The following CES1 variants were observed in gnomAD, a reference collection of about 807,000 sequenced individuals.
CES1 encodes the protein carboxylesterase 1.
CES1 carries 50 observed loss-of-function variants against 53.0 expected under a neutral mutation model. The ratio of observed to expected loss-of-function variants is 0.94; its 90% confidence interval spans 0.75 to 1.19. The LOEUF is 1.19. Ranked by LOEUF, CES1 falls within the 50% of genes most tolerant of loss-of-function variation. The pLI, the probability that CES1 is intolerant of heterozygous loss-of-function variation, is 0.00. For synonymous variants in CES1, 202 were observed against 210.1 expected, an observed-to-expected ratio of 0.96 and a Z score of 0.33; for missense variants, 534 against 538.0, an observed-to-expected ratio of 0.99 and a Z score of 0.07.
chr16:55,830,582 C>A (rs2032598964), intron 1 of CES1, among the ~76,000 whole-genome samples: 3 of 152,122 alleles, frequency 2.0e-5, no homozygotes, highest in South Asian at 4.2e-4. Flanking sequence ...GCAGGCAGAT[C>A]ATTTGAGGTC....
chr16:55,813,088 C>T, intron 8 of CES1, 45 bp from the exon 9 acceptor site: 4 of 1,612,254 alleles, frequency 2.5e-6, no homozygotes, highest in Non-Finnish European at 2.5e-6. Flanking sequence ...TCCCTAGTCA[C>T]ACCCATGTCC....
At chr16:55,813,627 A>G (rs2031802064) in intron 8 of CES1, among the ~76,000 whole-genome samples, 1 of 152,166 alleles carries the variant, frequency 6.6e-6, no homozygotes, top group Non-Finnish European at 1.5e-5. Context: ...CTTTTTCTGA[A>G]TGTGCTATTA....
intron 9 of CES1, among the ~76,000 whole-genome samples, chr16:55,811,274 G>A (rs1227437951): frequency 6.6e-6 from 1 of 151,282 alleles, no homozygotes; most frequent in African/African-American, 2.4e-5. Flanking sequence ...GTGTGTGTGT[G>A]TGCGCGCGTG....
intron 1 of CES1, among the ~76,000 whole-genome samples, chr16:55,832,688 C>G (rs1182072880): frequency 6.6e-6 from 1 of 152,226 alleles, no homozygotes; most frequent in Non-Finnish European, 1.5e-5. Context: ...GTGATCCAGC[C>G]GTAAGGGGAC....
intron 5 of CES1, among the ~76,000 whole-genome samples, chr16:55,820,719 C>G (rs2032144166): frequency 1.3e-5 from 2 of 152,066 alleles, no homozygotes; most frequent in South Asian, 4.1e-4. Flanking sequence ...CCAATCCCAG[C>G]AGGACCCCTC....
At chr16:55,817,164 T>C (rs2142327995) in intron 7 of CES1, among the ~76,000 whole-genome samples, 1 of 152,306 alleles carries the variant, frequency 6.6e-6, no homozygotes, top group East Asian at 1.9e-4. Flanking sequence ...TCCAATAGAG[T>C]TTACCCCAAA....
intron 1 of CES1, among the ~76,000 whole-genome samples, chr16:55,830,475 A>G (rs1461387999): frequency 2.0e-5 from 3 of 152,142 alleles, no homozygotes; most frequent in African/African-American, 7.2e-5. Flanking sequence ...AAAAGAAAAA[A>G]TATGTAGAAA....
In CES1 at chr16:55,811,008, C is replaced by T. The variant is rs1462310565; in HGVS notation, c.1089G>A (p.Gln363=). The T allele has an allele frequency of 6.6e-7, 1 of 1,525,858 alleles. No individual in the cohort carries two copies. Among genetic ancestry groups the T allele is most frequent in the Non-Finnish European group, 8.8e-7 (1 of 1,136,262 alleles). The allele number at this position is 1,525,858 out of a possible 1,614,324, so 94.5% of individuals were successfully genotyped here. ...CTTCGGAGAGTGGATAGCTCATCAA[C>T]TGCTAAAAAAAAAAAAAAGTTCAGC... ...KQEFGWLIPM[Q]LMSYPLSEGQ... Residue 363 remains glutamine, a splice_region_variant and synonymous_variant, in exon 10 of 14, where the codon CAG becomes CAA. Transcript: ENST00000360526.
At chr16:55,832,908 C>A in intron 1 of CES1, 96 bp downstream of exon 1, 1 of 1,120,552 alleles carries the variant, frequency 8.9e-7, no homozygotes, top group South Asian at 1.2e-5. Context: ...AGAGCCGGAC[C>A]TGTTGTGTCT....
rs775849745 is a variant in CES1 at position 55,810,611 on chromosome 16, T to C, written c.1224A>G (p.Thr408=). ...GGTCTTTCTTTTTGACAGTGTCGTC[T>C]GTTCCTCCTAAGTATTTCTCAGTGG... is the stretch of plus-strand genomic sequence containing the variant. ...PEATEKYLGG[T]DDTVKKKDLF... Residue 408 remains threonine, a synonymous_variant, in exon 11 of 14, where the codon ACA becomes ACG. Coordinates refer to ENST00000360526, the MANE Select transcript of CES1 (RefSeq NM_001025195.2). 6.2e-7 allele frequency: 1 copy of C among 1,614,164 alleles called. No individual in the cohort carries two copies. The highest frequency in any genetic ancestry group is 1.1e-5 in the South Asian group (1 of 91,078).
intron 8 of CES1, among the ~76,000 whole-genome samples, chr16:55,816,337 A>T (rs1252541870): frequency 6.6e-6 from 1 of 152,264 alleles, no homozygotes; most frequent in Non-Finnish European, 1.5e-5. Context: ...AATGAATCTC[A>T]TGTACTCCGC....
At chr16:55,818,422 A>G (rs2032042031) in intron 7 of CES1, among the ~76,000 whole-genome samples, 2 of 152,316 alleles carry the variant, frequency 1.3e-5, no homozygotes, top group Middle Eastern at 3.4e-3. Context: ...GGCAATTACA[A>G]AATTTATCTG....
chr16:55,812,244 C>T (rs1257299402), intron 9 of CES1: 2 of 153,568 alleles, frequency 1.3e-5, no homozygotes, highest in Admixed American at 1.3e-4. Flanking sequence ...TTATTTGTTT[C>T]CAACTTTTAT....
At chr16:55,813,453 C>T (rs543324594) in intron 8 of CES1, among the ~76,000 whole-genome samples, 17 of 152,018 alleles carry the variant, frequency 1.1e-4, no homozygotes, top group Admixed American at 5.9e-4. Flanking sequence ...GGGGGAAATA[C>T]TGGGTTAGGT....
intron 5 of CES1, 94 bp downstream of exon 5, chr16:55,821,274 T>C (rs1452528670): frequency 2.7e-6 from 4 of 1,496,690 alleles, no homozygotes; most frequent in African/African-American, 1.4e-5. Context: ...GGTATTGTAA[T>C]CAGAGGTATC....
At chr16:55,829,279 T>G (rs1436711431) in intron 1 of CES1, among the ~76,000 whole-genome samples, 14 of 152,314 alleles carry the variant, frequency 9.2e-5, no homozygotes, top group Admixed American at 2.0e-4. Context: ...GAAACATTTA[T>G]CCATTAGAAT....
chr16:55,830,723 A>G (rs1181276810), intron 1 of CES1, among the ~76,000 whole-genome samples: 1 of 144,926 alleles, frequency 6.9e-6, no homozygotes, highest in Non-Finnish European at 1.5e-5. Flanking sequence ...GAAAGAAGGA[A>G]AGGAAAGATG....
intron 8 of CES1, among the ~76,000 whole-genome samples, chr16:55,816,444 A>C (rs114832145): frequency 0.058 from 8,766 of 152,152 alleles, 288 homozygotes; most frequent in Middle Eastern, 0.13. Context: ...GAAACTGTCA[A>C]CCCACTGGGA....
At chr16:55,831,264 G>A (rs1355761238) in intron 1 of CES1, among the ~76,000 whole-genome samples, 1 of 152,130 alleles carries the variant, frequency 6.6e-6, no homozygotes, top group Admixed American at 6.5e-5. Flanking sequence ...GGAGCAAGAG[G>A]GCGAGGAACC....
Sources: allele counts gnomAD v4.1 joint callset (sites outside exome capture counted in the v4.1 genomes callset), GRCh38; gene constraint gnomAD v4.1.1; transcripts MANE v1.5; gene names NCBI Gene and HGNC (gene_info 2026-07-23, HGNC 2026-07-21).